GRK4: variants seen among roughly 807,000 people sequenced by gnomAD.
The protein encoded by GRK4 is G protein-coupled receptor kinase 2-like.
GRK4 carries 73 observed loss-of-function variants against 77.9 expected under a neutral mutation model. That is an observed-to-expected ratio of 0.94 (90% CI 0.78 to 1.14). The LOEUF is 1.14. GRK4 is among the 50% of genes most tolerant of loss of function. The probability of loss-of-function intolerance (pLI) is 0.00; values close to 1 mark genes in which losing one functional copy is unlikely to be tolerated. For synonymous variants in GRK4, 257 were observed against 254.4 expected (o/e 1.01, Z -0.10); for missense variants, 729 against 700.2 (o/e 1.04, Z -0.46).
intron 1 of GRK4, among the ~76,000 whole-genome samples, chr4:2,984,006 C>T (rs1203790716): frequency 2.0e-5 from 3 of 152,090 alleles, no homozygotes; most frequent in Non-Finnish European, 2.9e-5. Flanking sequence ...TCCGTCCCCA[C>T]GATCCAATCA....
intron 10 of GRK4, among the ~76,000 whole-genome samples, chr4:3,025,296 C>T (rs766191794): frequency 6.7e-6 from 1 of 150,048 alleles, no homozygotes; most frequent in South Asian, 2.1e-4. Flanking sequence ...AAAAGTCACT[C>T]AGTATCATTC....
intron 4 of GRK4, among the ~76,000 whole-genome samples, chr4:3,001,367 A>T (rs890042942): frequency 8.7e-5 from 10 of 115,488 alleles, no homozygotes; most frequent in African/African-American, 2.9e-4. Flanking sequence ...ATATATATAT[A>T]TATTTTTTTT....
chr4:3,024,456 T>C (rs1736898673), intron 10 of GRK4, among the ~76,000 whole-genome samples: 4 of 152,132 alleles, frequency 2.6e-5, no homozygotes, highest in Non-Finnish European at 4.4e-5. Context: ...GTTGTTACGG[T>C]GCAATTATGC....
intron 2 of GRK4, among the ~76,000 whole-genome samples, chr4:2,988,131 A>G (rs1200581799): frequency 6.6e-6 from 1 of 150,760 alleles, no homozygotes; most frequent in African/African-American, 2.4e-5. Flanking sequence ...TCTGTGTTTA[A>G]CTTTTTGAGG....
intron 1 of GRK4, among the ~76,000 whole-genome samples, chr4:2,968,898 G>A (rs995557243): frequency 2.6e-5 from 4 of 152,142 alleles, no homozygotes; most frequent in African/African-American, 9.6e-5. Context: ...CTTATCCTGG[G>A]AGAGAGCACC....
intron 1 of GRK4, chr4:2,969,379 CTT>C (rs113382194): frequency 9.4e-5 from 13 of 138,984 alleles, no homozygotes; most frequent in Non-Finnish European, 9.2e-5. Flanking sequence ...TCTTTCTTTT[CTT>C]TTTTTTTTTT....
At chr4:3,009,616 G>A in intron 6 of GRK4, 32 bp from the exon 7 acceptor site, 1 of 1,547,834 alleles carries the variant, frequency 6.5e-7, no homozygotes, top group Non-Finnish European at 8.9e-7. Flanking sequence ...AATGCAATGT[G>A]AGACCTGAAA....
At chr4:3,001,159 GTA>G (rs749029457) in intron 4 of GRK4, among the ~76,000 whole-genome samples, 23 of 127,434 alleles carry the variant, frequency 1.8e-4, no homozygotes, top group Admixed American at 5.5e-4. Flanking sequence ...ATGTGTATGT[GTA>G]TATATATGTA....
chr4:3,023,576 T>C (rs561058799), intron 10 of GRK4, among the ~76,000 whole-genome samples: 3 of 152,350 alleles, frequency 2.0e-5, no homozygotes, highest in African/African-American at 7.2e-5. Context: ...AGGAGGGTAC[T>C]GGAATTCTCA....
At position 2,998,231 on chromosome 4, in the gene GRK4, A is replaced by G. The variant is rs183851916; in HGVS notation, c.339+5939A>G. ...AAATTAGCTGGGCATGGTGGTAGGC[A>G]CCTGTAATCCCAGCTACTTGGAAGC... On this transcript the variant is annotated intron_variant, in intron 4 of 15. Transcript: ENST00000398052. Among the ~76,000 whole-genome samples, 168 of 152,052 alleles carry G rather than the reference A, an allele frequency of 1.1e-3. 1 individual carries two copies. The highest frequency in any genetic ancestry group is 3.5e-3 in the Admixed American group (54 of 15,272).
chr4:2,969,808 G>T (rs1052366897), intron 1 of GRK4, among the ~76,000 whole-genome samples: 1 of 152,094 alleles, frequency 6.6e-6, no homozygotes, highest in Non-Finnish European at 1.5e-5. Flanking sequence ...CTCCCAAGTG[G>T]CTGGGACCAC....
At position 3,027,926 on chromosome 4, in the gene GRK4, TCA is replaced by T. The variant is rs1738033397; in HGVS notation, c.986_987del (p.Ser329Ter). ...LLDDRGHIRI[S>X]DLGLATEIPE... is the part of the protein sequence containing the mutation. Reference sequence around the variant, plus strand: ...TGAACACACAGGACACATCCGGATTTCAGACCTCGGTTTGGCCACAGAGATCC... The same window carrying T: ...TGAACACACAGGACACATCCGGATTTGACCTCGGTTTGGCCACAGAGATCC... On this transcript the variant is annotated frameshift_variant, in exon 11 of 16. Coordinates refer to ENST00000398052, the MANE Select transcript of GRK4 (RefSeq NM_182982.3). LOFTEE classifies it high-confidence loss of function. 1.2e-6 allele frequency: 2 copies of T among 1,614,018 alleles called. No individual in the cohort carries two copies. Among genetic ancestry groups the T allele is most frequent in the South Asian group, 2.2e-5 (2 of 91,084 alleles).
In GRK4 at chr4:2,984,557, A is replaced by T. The variant is rs1481480122; in HGVS notation, c.97A>T (p.Ile33Leu). The change falls in exon 2 of 16, where the codon ATA (isoleucine) becomes TTA (leucine). Residue 33 changes from isoleucine (I) to leucine (L), a missense_variant. Physicochemically the swap from Ile to Leu is conservative, Grantham distance 5. Transcript: ENST00000398052. ...KSGRSKKWKEILTLPPVSQCS... is the reference protein window; with the variant it reads ...KSGRSKKWKELLTLPPVSQCS... Reference sequence around the variant, plus strand: ...TGGTCGTAGTAAAAAATGGAAGGAGATACTGACACTGCCTCCTGTCAGCCA... The same window carrying T: ...TGGTCGTAGTAAAAAATGGAAGGAGTTACTGACACTGCCTCCTGTCAGCCA... 1 of 1,613,326 alleles carries T rather than the reference A, an allele frequency of 6.2e-7. No individual in the cohort carries two copies. Among genetic ancestry groups the T allele is most frequent in the East Asian group, 2.2e-5 (1 of 44,838 alleles).
chr4:3,037,075 G>GTA (rs56914039), intron 13 of GRK4, among the ~76,000 whole-genome samples: 7 of 108,642 alleles, frequency 6.4e-5, no homozygotes, highest in African/African-American at 2.3e-4. Context: ...GTGTGTATGT[G>GTA]TGTGTGTATG....
At chr4:3,029,648 C>A (rs1331121833) in intron 12 of GRK4, among the ~76,000 whole-genome samples, 1 of 150,340 alleles carries the variant, frequency 6.7e-6, no homozygotes, top group Admixed American at 6.6e-5. Context: ...GGCTCAGGTC[C>A]ACCTGTCTCC....
In GRK4 at chr4:2,964,036, C is replaced by T. The variant is rs1201884659; in HGVS notation, c.-35C>T. ...GTTCCGCCTCCTCAGTCTCCTCGGT[C>T]TCGCAGAATCCGCCGGCGGCGGCGG... On this transcript the variant is annotated 5_prime_UTR_variant, in exon 1 of 16. Coordinates refer to ENST00000398052, the MANE Select transcript of GRK4 (RefSeq NM_182982.3). 1 of 1,597,238 alleles carries T rather than the reference C, an allele frequency of 6.3e-7. No individual in the cohort carries two copies. The highest frequency in any genetic ancestry group is 8.5e-7 in the Non-Finnish European group (1 of 1,171,540).
At chr4:3,019,489 G>C (rs1735477508) in intron 8 of GRK4, 152 bp from the exon 9 acceptor site, 1 of 698,380 alleles carries the variant, frequency 1.4e-6, no homozygotes, top group East Asian at 2.8e-5. Context: ...AGAGGCACGT[G>C]ATATGTCCTG....
chr4:2,996,240 T>A (rs1727858171), intron 4 of GRK4, among the ~76,000 whole-genome samples: 1 of 152,120 alleles, frequency 6.6e-6, no homozygotes, highest in South Asian at 2.1e-4. Flanking sequence ...CACTAGTCCC[T>A]TCATGAAGGT....
At chr4:2,968,999 C>T (rs532735204) in intron 1 of GRK4, among the ~76,000 whole-genome samples, 4 of 151,998 alleles carry the variant, frequency 2.6e-5, no homozygotes, top group Middle Eastern at 3.4e-3. Flanking sequence ...AGACATACAC[C>T]GTGGGGGAGA....
Sources: gnomAD v4.1 joint callset for allele counts (sites outside exome capture counted in the v4.1 genomes callset) on GRCh38, gnomAD v4.1.1 for gene constraint, MANE v1.5 for transcripts, NCBI Gene and HGNC (gene_info 2026-07-23, HGNC 2026-07-21) for gene names.